MACC1: variants seen among roughly 807,000 people sequenced by gnomAD.
The protein encoded by MACC1 is MET transcriptional regulator MACC1, also known as metastasis-associated in colon cancer protein 1.
Under a neutral mutation model 70.7 loss-of-function variants are expected in MACC1, and 79 were observed. The ratio of observed to expected loss-of-function variants is 1.12; its 90% CI spans 0.93 to 1.35. The LOEUF (loss-of-function observed/expected upper bound fraction) is 1.35. Ranked by LOEUF, MACC1 falls within the 40% of genes most tolerant of loss-of-function variation. MACC1 has a pLI of 0.00. For missense variants in MACC1, 1,106 were observed against 978.1 expected, an observed-to-expected ratio of 1.13 and a Z score of -1.74; for synonymous variants, 361 against 347.2, an observed-to-expected ratio of 1.04 and a Z score of -0.44.
At chr7:20,148,756 CATGGTAATCTAAATTGTACAAAGTAGACA>C (rs1415081817) in intron 6 of MACC1, among the ~76,000 whole-genome samples, 2 of 152,086 alleles carry the variant, frequency 1.3e-5, no homozygotes. Context: ...ACAAAGTAGA[CATGGTAATCTAAATTGTACAAAGTAGACA>C]ATGGTAATCT....
intron 1 of MACC1, among the ~76,000 whole-genome samples, chr7:20,185,857 G>A (rs57501897): frequency 0.18 from 27,142 of 152,158 alleles, 3,074 homozygotes; most frequent in African/African-American, 0.31. Flanking sequence ...ACATTTTGCA[G>A]TTGGGGAGAC....
In MACC1 at chr7:20,169,581, A is replaced by G. The variant is rs1054503349; in HGVS notation, c.-153+1133T>C. On this transcript the variant is annotated intron_variant, in intron 2 of 6. Coordinates refer to ENST00000400331, the MANE Select transcript of MACC1 (RefSeq NM_182762.4). The stretch of plus-strand genomic sequence containing the variant: ...ACTGCTTCCTAGAACACTTGACAGT[A>G]TATCAGGAGACCTCACTGGTTGTCA... 2.2e-4 allele frequency among the ~76,000 whole-genome samples: 34 copies of G among 152,190 alleles called. 1 individual carries two copies. Among genetic ancestry groups the G allele is most frequent in the Non-Finnish European group, 5.9e-5 (4 of 68,020 alleles).
chr7:20,160,011 C>A lies in MACC1; in HGVS notation c.350G>T (p.Gly117Val), dbSNP rs1782118841. 2 of 1,612,312 alleles carry A rather than the reference C, an allele frequency of 1.2e-6. No homozygotes were observed. The highest frequency in any genetic ancestry group is 1.7e-6 in the Non-Finnish European group (2 of 1,179,478). The change falls in exon 5 of 7, where the codon GGT becomes GTT. Residue 117 changes from glycine (G) to valine (V), a missense_variant. Physicochemically the swap from Gly to Val is moderately radical, Grantham distance 109. Transcript: ENST00000400331. Reference protein sequence around the residue: ...IENGNSFDSSGDELDVHQLLR... With the variant: ...IENGNSFDSSVDELDVHQLLR... ...TAACTGATGCACATCAAGTTCATCACCGGAGGAATCAAAAGAATTTCCATT... is the reference window on the plus strand; with the variant it reads ...TAACTGATGCACATCAAGTTCATCAACGGAGGAATCAAAAGAATTTCCATT...
At chr7:20,200,344 C>G (rs1782815409) in intron 1 of MACC1, among the ~76,000 whole-genome samples, 1 of 152,086 alleles carries the variant, frequency 6.6e-6, no homozygotes, top group Non-Finnish European at 1.5e-5. Context: ...TTAACAAACA[C>G]TATTAAGTTA....
rs557065724 is a variant in MACC1, at chr7:20,205,295, T to C, written c.-218+12004A>G. On this transcript the variant is annotated intron_variant, in intron 1 of 6. Transcript: ENST00000400331. Reference sequence around the variant, plus strand: ...ATTTCATACCAAAAGAACATAGAAGTTGGAAAAAATAACTCAAAGATAACA... The same window carrying C: ...ATTTCATACCAAAAGAACATAGAAGCTGGAAAAAATAACTCAAAGATAACA... Among the ~76,000 whole-genome samples the C allele has an allele frequency of 4.6e-5, 7 of 152,308 alleles. No individual in the cohort carries two copies. The East Asian group carries it at 7.7e-4, about 17-fold the overall frequency.
At chr7:20,154,059 A>T in intron 6 of MACC1, 134 bp downstream of exon 6, 1 of 798,344 alleles carries the variant, frequency 1.3e-6, no homozygotes, top group Non-Finnish European at 2.1e-6. Context: ...ATGAGTTACT[A>T]GTGCAGTGAT....
intron 1 of MACC1, among the ~76,000 whole-genome samples, chr7:20,205,242 A>G (rs1251656865): frequency 1.3e-5 from 2 of 152,240 alleles, no homozygotes; most frequent in Non-Finnish European, 2.9e-5. Context: ...GTCAAAAGCT[A>G]TTGCATACAA....
rs76873402 is a variant in MACC1 at position 20,149,827 on chromosome 7, T to G, written c.2346+4366A>C. Among the ~76,000 whole-genome samples the G allele has an allele frequency of 4.6e-5, 7 of 152,304 alleles. No individual in the cohort carries two copies. The East Asian group carries it at 1.3e-3, about 29-fold the overall frequency. On this transcript the variant is annotated intron_variant, in intron 6 of 6. Coordinates refer to ENST00000400331, the MANE Select transcript of MACC1 (RefSeq NM_182762.4). ...ATGTCTCCTAATTACTCCTCACCAC[T>G]TTGATATTTTTTAAGTAAGTTAAAT...
chr7:20,178,863 G>A (rs926248625), intron 1 of MACC1, among the ~76,000 whole-genome samples: 1 of 152,178 alleles, frequency 6.6e-6, no homozygotes, highest in African/African-American at 2.4e-5. Context: ...GCCTCCCAAA[G>A]TGTTGGGATT....
rs151218506 is a variant in MACC1 at position 20,155,424 on chromosome 7, T to A, written c.2158-1043A>T. ...AATAACTAGTAATAAAATATAACGA[T>A]CATAACAATATACTCTAATAAATGT... On this transcript the variant is annotated intron_variant, in intron 5 of 6. Coordinates refer to ENST00000400331, the MANE Select transcript of MACC1 (RefSeq NM_182762.4). 9.3e-4 allele frequency among the ~76,000 whole-genome samples: 141 copies of A among 152,298 alleles called. 1 individual carries two copies. Among genetic ancestry groups the A allele is most frequent in the African/African-American group, 3.3e-3 (136 of 41,562 alleles).
intron 1 of MACC1, among the ~76,000 whole-genome samples, chr7:20,191,080 C>T (rs1782665477): frequency 6.6e-6 from 1 of 152,160 alleles, no homozygotes; most frequent in Non-Finnish European, 1.5e-5. Flanking sequence ...AAAAGACTAG[C>T]AGTAACATAG....
At chr7:20,178,467 AG>A (rs1318396863) in intron 1 of MACC1, among the ~76,000 whole-genome samples, 36 of 152,220 alleles carry the variant, frequency 2.4e-4, no homozygotes, top group African/African-American at 8.4e-4. Flanking sequence ...AGTGTTGATG[AG>A]ACAGCTTCAA....
At chr7:20,187,792 T>C (rs1782611415) in intron 1 of MACC1, among the ~76,000 whole-genome samples, 1 of 152,180 alleles carries the variant, frequency 6.6e-6, no homozygotes, top group South Asian at 2.1e-4. Context: ...TCTCCCTTCT[T>C]GTGGAATCTC....
At chr7:20,148,205 C>T (rs181834698) in intron 6 of MACC1, among the ~76,000 whole-genome samples, 133 of 152,234 alleles carry the variant, frequency 8.7e-4, no homozygotes, top group African/African-American at 3.1e-3. Context: ...AAAAGAATTG[C>T]TAAGTATACA....
intron 1 of MACC1, among the ~76,000 whole-genome samples, chr7:20,196,956 A>G (rs1048864715): frequency 2.6e-5 from 4 of 152,178 alleles, no homozygotes; most frequent in African/African-American, 9.7e-5. Flanking sequence ...TTTGACTACT[A>G]CCAGTCAATT....
At chr7:20,186,698 T>G (rs575702416) in intron 1 of MACC1, among the ~76,000 whole-genome samples, 1 of 152,144 alleles carries the variant, frequency 6.6e-6, no homozygotes, top group Non-Finnish European at 1.5e-5. Context: ...TATAAAAGAT[T>G]CCTTAGGGAA....
chr7:20,214,407 T>G (rs1259148879), intron 1 of MACC1, among the ~76,000 whole-genome samples: 2 of 152,154 alleles, frequency 1.3e-5, no homozygotes, highest in Admixed American at 6.6e-5. Flanking sequence ...TTCCCAAACT[T>G]CACTCATTCT....
chr7:20,141,596 A>G (rs1004370300), intron 6 of MACC1, among the ~76,000 whole-genome samples: 18 of 152,206 alleles, frequency 1.2e-4, no homozygotes, highest in African/African-American at 4.3e-4. Flanking sequence ...TAGTATATTT[A>G]ACATTTTAAA....
chr7:20,146,301 A>T (rs1227636655), intron 6 of MACC1, among the ~76,000 whole-genome samples: 1 of 152,136 alleles, frequency 6.6e-6, no homozygotes, highest in East Asian at 1.9e-4. Flanking sequence ...ACAAGTTCTA[A>T]AGGTACTTTT....
Sources: allele counts gnomAD v4.1 joint callset (sites outside exome capture counted in the v4.1 genomes callset), GRCh38; gene constraint gnomAD v4.1.1; transcripts MANE v1.5; gene names NCBI Gene and HGNC (gene_info 2026-07-23, HGNC 2026-07-21).